Variants in NBEA observed in about 807,000 individuals in gnomAD.
NBEA encodes the protein lysosomal-trafficking regulator 2.
NBEA carries 44 observed loss-of-function variants against 343.4 expected under a neutral mutation model. The ratio of observed to expected loss-of-function variants is 0.13; its 90% confidence interval spans 0.10 to 0.16. The LOEUF is 0.16. NBEA is among the 10% of genes least tolerant of loss of function. The probability of loss-of-function intolerance (pLI) is 1.00; values close to 1 mark genes in which losing one functional copy is unlikely to be tolerated. For synonymous variants in NBEA, 1,175 were observed against 1,238.7 expected (o/e 0.95, Z 1.08); for missense variants, 2,555 against 3,631.3 (o/e 0.70, Z 7.62).
intron 25 of NBEA, 40 bp from the exon 26 acceptor site, chr13:35,171,232 C>A: frequency 6.4e-7 from 1 of 1,570,932 alleles, no homozygotes; most frequent in Non-Finnish European, 8.7e-7. Flanking sequence ...TCCAAATTTC[C>A]AAATTTTAAA....
intron 27 of NBEA, among the ~76,000 whole-genome samples, chr13:35,175,528 A>G (rs184373932): frequency 1.3e-5 from 2 of 152,326 alleles, no homozygotes; most frequent in East Asian, 3.9e-4. Flanking sequence ...GATTTTTATA[A>G]CTAGTATTTC....
chr13:35,586,608 G>A (rs1467201829), intron 46 of NBEA, among the ~76,000 whole-genome samples: 1 of 152,152 alleles, frequency 6.6e-6, no homozygotes, highest in Non-Finnish European at 1.5e-5. Flanking sequence ...TATAAAAAAT[G>A]TTTCTGAGTT....
At chr13:35,414,981 C>T (rs2152919530) in intron 38 of NBEA, among the ~76,000 whole-genome samples, 1 of 152,240 alleles carries the variant, frequency 6.6e-6, no homozygotes, top group Admixed American at 6.5e-5. Context: ...CTCTGATGGC[C>T]AGTGATGATG....
At chr13:35,147,917 A>G (rs2068536292) in intron 18 of NBEA, among the ~76,000 whole-genome samples, 1 of 152,304 alleles carries the variant, frequency 6.6e-6, no homozygotes, top group African/African-American at 2.4e-5. Flanking sequence ...TCTAATTACA[A>G]GATGGTATTA....
In NBEA at chr13:35,593,458, T is replaced by G. The variant is rs552933679; in HGVS notation, c.7296+11T>G. 6 of 1,589,416 alleles carry G rather than the reference T, an allele frequency of 3.8e-6. No individual in the cohort carries two copies. In the African/African-American group the frequency reaches 6.8e-5, roughly 18 times the overall value. On this transcript the variant is annotated intron_variant, in intron 47 of 58. Transcript: ENST00000379939. ...ACTTCTGATGTAAAGGTAGGCTCTT[T>G]TATTTGTTGATATTCATTAAATTTC...
At chr13:35,591,520 C>T (rs1020400253) in intron 46 of NBEA, among the ~76,000 whole-genome samples, 4 of 152,036 alleles carry the variant, frequency 2.6e-5, no homozygotes, top group Admixed American at 2.6e-4. Flanking sequence ...ATCTGATTTT[C>T]AGGTGAATCA....
At chr13:35,268,373 G>C (rs960469914) in intron 34 of NBEA, among the ~76,000 whole-genome samples, 2 of 152,106 alleles carry the variant, frequency 1.3e-5, no homozygotes, top group Admixed American at 6.5e-5. Flanking sequence ...GGGAGTTACT[G>C]TTTAATGGGT....
chr13:35,381,513 A>G (rs578097322), intron 38 of NBEA, among the ~76,000 whole-genome samples: 9 of 152,252 alleles, frequency 5.9e-5, no homozygotes, highest in Admixed American at 1.3e-4. Context: ...CCAGACTTCT[A>G]TTCCCGAGTA....
chr13:35,067,286 C>T (rs1275489771), intron 8 of NBEA, among the ~76,000 whole-genome samples: 2 of 151,968 alleles, frequency 1.3e-5, no homozygotes, highest in Admixed American at 6.6e-5. Flanking sequence ...GAGTCGTTTC[C>T]TTAGCTCAGT....
chr13:35,119,458 G>A (rs117747165), intron 16 of NBEA, among the ~76,000 whole-genome samples: 3 of 152,194 alleles, frequency 2.0e-5, no homozygotes, highest in Non-Finnish European at 4.4e-5. Context: ...AATTAGAGAA[G>A]CAATCACTAT....
intron 26 of NBEA, among the ~76,000 whole-genome samples, chr13:35,171,934 A>G (rs1248699817): frequency 1.3e-5 from 2 of 151,994 alleles, no homozygotes; most frequent in Admixed American, 6.6e-5. Flanking sequence ...CATGCTGTTC[A>G]CCTTTTATCT....
intron 1 of NBEA, among the ~76,000 whole-genome samples, chr13:34,972,866 C>T (rs972292624): frequency 6.6e-6 from 1 of 152,154 alleles, no homozygotes; most frequent in Non-Finnish European, 1.5e-5. Context: ...AGCCCAGTTC[C>T]GAACCCTTGC....
At chr13:35,443,186 A>C (rs972002307) in intron 39 of NBEA, among the ~76,000 whole-genome samples, 2 of 152,064 alleles carry the variant, frequency 1.3e-5, no homozygotes, top group Non-Finnish European at 2.9e-5. Context: ...CCAGCTTTTC[A>C]AAACACAGCC....
At chr13:35,619,779 A>C (rs2082899336) in intron 48 of NBEA, among the ~76,000 whole-genome samples, 1 of 152,170 alleles carries the variant, frequency 6.6e-6, no homozygotes, top group Admixed American at 6.5e-5. Context: ...TGGAAGTAAG[A>C]CACCCTATCT....
At chr13:35,466,846 A>G (rs145634809) in intron 40 of NBEA, among the ~76,000 whole-genome samples, 4,545 of 152,312 alleles carry the variant, frequency 0.03, 106 homozygotes, top group Non-Finnish European at 0.045. Context: ...TTATTTGTAT[A>G]TAAATAAAAC....
chr13:35,086,018 G>A (rs150027756), intron 10 of NBEA, among the ~76,000 whole-genome samples: 2 of 151,904 alleles, frequency 1.3e-5, no homozygotes, highest in South Asian at 2.1e-4. Context: ...AATCCAACTT[G>A]CAAGGGACGT....
chr13:34,946,977 ATT>A (rs904277183), intron 1 of NBEA, among the ~76,000 whole-genome samples: 1 of 151,462 alleles, frequency 6.6e-6, no homozygotes, highest in African/African-American at 2.4e-5. Flanking sequence ...TGTCTTCTGC[ATT>A]TGAATTATAT....
intron 17 of NBEA, among the ~76,000 whole-genome samples, chr13:35,141,335 C>T (rs535021100): frequency 2.0e-5 from 3 of 152,198 alleles, no homozygotes; most frequent in South Asian, 4.1e-4. Context: ...GGCTCGATCT[C>T]GGCTCACTGC....
At chr13:35,497,726 A>G (rs901279510) in intron 41 of NBEA, among the ~76,000 whole-genome samples, 4 of 152,052 alleles carry the variant, frequency 2.6e-5, no homozygotes, top group East Asian at 3.9e-4. Context: ...GCAAATGAGG[A>G]ATCAACTCTT....
Sources: gnomAD v4.1 joint callset for allele counts (sites outside exome capture counted in the v4.1 genomes callset) on GRCh38, gnomAD v4.1.1 for gene constraint, MANE v1.5 for transcripts, NCBI Gene and HGNC (gene_info 2026-07-23, HGNC 2026-07-21) for gene names.